The following SPICE1 variants were observed in gnomAD, a reference collection of about 807,000 sequenced individuals.
The protein encoded by SPICE1 is spindle and centriole-associated protein 1.
A neutral mutation model predicts 102.7 loss-of-function variants in SPICE1; 75 were observed. That is an observed-to-expected ratio of 0.73 (90% CI 0.61 to 0.88). The LOEUF is 0.88. SPICE1 is among the 40% of genes least tolerant of loss of function. The probability of loss-of-function intolerance (pLI) is 0.00; values close to 1 mark genes in which losing one functional copy is unlikely to be tolerated. For synonymous variants in SPICE1, 308 were observed against 350.3 expected (o/e 0.88, Z 1.35); for missense variants, 979 against 1,020.1 (o/e 0.96, Z 0.55).
chr3:113,468,943 T>C (rs1936129016), intron 8 of SPICE1, 44 bp from the exon 9 acceptor site: 1 of 1,583,948 alleles, frequency 6.3e-7, no homozygotes, highest in Non-Finnish European at 8.6e-7. Context: ...GTGAACAAAC[T>C]TCTTAAGAAA....
intron 3 of SPICE1, among the ~76,000 whole-genome samples, chr3:113,501,219 A>C (rs1169524963): frequency 6.6e-6 from 1 of 152,170 alleles, no homozygotes. Context: ...GCAAAAAATA[A>C]AGTTGGGCCC....
At position 113,468,204 on chromosome 3, in the gene SPICE1, C is replaced by T. The variant is rs749999087; in HGVS notation, c.1090G>A (p.Gly364Ser). 1 of 1,614,124 alleles carries T rather than the reference C, an allele frequency of 6.2e-7. No homozygotes were observed. The highest frequency in any genetic ancestry group is 1.1e-5 in the South Asian group (1 of 91,082). ...AGCGACAAAGTGAAGCCTGTAAGAC[C>T]CTGACTGCTCTGCAGACCCTTGACC... ...REVKGLQSSQ[G>S]LTGFTLSLVS... The change falls in exon 10 of 18, where the codon GGT becomes AGT. Residue 364 changes from glycine (G) to serine (S), a missense_variant. By Grantham distance (56) the Gly-to-Ser change is moderately conservative. Coordinates refer to ENST00000295872, the MANE Select transcript of SPICE1 (RefSeq NM_144718.4).
chr3:113,446,840 G>A (rs1198546198), intron 16 of SPICE1, among the ~76,000 whole-genome samples, 164 bp from the exon 17 acceptor site: 1 of 152,180 alleles, frequency 6.6e-6, no homozygotes, highest in African/African-American at 2.4e-5. Context: ...TCACCAACCT[G>A]TAAGTCTTTA....
intron 11 of SPICE1, among the ~76,000 whole-genome samples, chr3:113,462,554 A>G (rs1184928555): frequency 6.6e-6 from 1 of 152,242 alleles, no homozygotes; most frequent in Non-Finnish European, 1.5e-5. Context: ...TGTGTCCCAC[A>G]TGATTCCAAG....
intron 7 of SPICE1, among the ~76,000 whole-genome samples, chr3:113,487,600 A>G (rs61608046): frequency 0.032 from 4,797 of 152,252 alleles, 250 homozygotes; most frequent in African/African-American, 0.11. Context: ...AGAAAGTATA[A>G]TAAGAGCTAT....
rs138802010 is a variant in SPICE1 at position 113,452,024 on chromosome 3, C to T, written c.2142+1442G>A. Among the ~76,000 whole-genome samples, 1,353 of 152,230 alleles carry T rather than the reference C, an allele frequency of 8.9e-3. 25 individuals are homozygous for T. Among genetic ancestry groups the T allele is most frequent in the African/African-American group, 0.031 (1,299 of 41,536 alleles). ...CCTCCTATCAGAAACTTGACAGGAG[C>T]GGCCTTGGCTCTAGAAGGGGTAAAA... On this transcript the variant is annotated intron_variant, in intron 14 of 17. Coordinates refer to ENST00000295872, the MANE Select transcript of SPICE1 (RefSeq NM_144718.4).
chr3:113,479,653 T>G (rs952190519), intron 7 of SPICE1, among the ~76,000 whole-genome samples: 5 of 152,196 alleles, frequency 3.3e-5, no homozygotes, highest in Admixed American at 6.5e-5. Context: ...TCCTGACTTT[T>G]TAGACAATTC....
intron 1 of SPICE1, among the ~76,000 whole-genome samples, chr3:113,507,927 G>A (rs1028723941): frequency 1.3e-5 from 2 of 152,112 alleles, no homozygotes; most frequent in African/African-American, 2.4e-5. Context: ...AGAGCCATAA[G>A]TACCATTTAA....
rs547413294 is a variant in SPICE1 at position 113,515,030 on chromosome 3, G to A, written c.-134C>T. On this transcript the variant is annotated 5_prime_UTR_variant, in exon 1 of 18. Transcript: ENST00000295872. ...CCTTTTGGTAGCCCTGGTCCCTAAG[G>A]CTCGTTGGGACTGCGAGCTGCAAGC... 2.5e-4 allele frequency: 70 copies of A among 279,686 alleles called. No homozygotes were observed. Among genetic ancestry groups the A allele is most frequent in the South Asian group, 2.4e-3 (68 of 28,478 alleles). The allele number at this position is 279,686 out of a possible 1,614,324, so 17.3% of individuals were successfully genotyped here.
chr3:113,450,508 T>C lies in SPICE1; in HGVS notation c.2151A>G (p.Pro717=), dbSNP rs780267900. ...TACCTGGTGTTAGAGACTGTGCTACTGGAAAAGTCTTTGGGAGAAAAAAAA... is the reference window on the plus strand; with the variant it reads ...TACCTGGTGTTAGAGACTGTGCTACCGGAAAAGTCTTTGGGAGAAAAAAAA... The part of the protein sequence containing the change: ...ESASDMTSTF[P]VAQSLTPGSM... Residue 717 remains proline, a synonymous_variant, in exon 15 of 18, where the codon CCA becomes CCG. Coordinates refer to ENST00000295872, the MANE Select transcript of SPICE1 (RefSeq NM_144718.4). 1 of 1,585,376 alleles carries C rather than the reference T, an allele frequency of 6.3e-7. No individual in the cohort carries two copies. The highest frequency in any genetic ancestry group is 2.3e-5 in the East Asian group (1 of 44,394).
intron 11 of SPICE1, among the ~76,000 whole-genome samples, chr3:113,464,835 A>G (rs984001293): frequency 5.3e-5 from 8 of 152,232 alleles, no homozygotes; most frequent in South Asian, 2.1e-4. Context: ...AGCAAGGTGC[A>G]GTGGCTCATG....
intron 3 of SPICE1, among the ~76,000 whole-genome samples, chr3:113,502,768 G>A (rs1198025797): frequency 6.6e-6 from 1 of 151,628 alleles, no homozygotes; most frequent in Non-Finnish European, 1.5e-5. Context: ...AGAGAAGAAG[G>A]TACAGAAACT....
At chr3:113,478,824 G>A (rs1337431456) in intron 7 of SPICE1, among the ~76,000 whole-genome samples, 2 of 151,864 alleles carry the variant, frequency 1.3e-5, no homozygotes, top group Non-Finnish European at 2.9e-5. Context: ...TGGAACATTT[G>A]TAAAAATTTG....
chr3:113,493,141 A>G, intron 6 of SPICE1, 65 bp downstream of exon 6: 1 of 1,125,778 alleles, frequency 8.9e-7, no homozygotes, highest in Non-Finnish European at 1.3e-6. Flanking sequence ...TATTTACCAC[A>G]AGGCCTATAT....
At chr3:113,486,870 T>C (rs959873170) in intron 7 of SPICE1, among the ~76,000 whole-genome samples, 4 of 149,682 alleles carry the variant, frequency 2.7e-5, no homozygotes, top group African/African-American at 9.7e-5. Context: ...GAGATATATA[T>C]ATATATATAT....
chr3:113,491,541 C>G (rs1051001951), intron 6 of SPICE1, among the ~76,000 whole-genome samples: 1 of 143,834 alleles, frequency 7.0e-6, no homozygotes, highest in South Asian at 2.2e-4. Flanking sequence ...AGCAGAATGG[C>G]GTGAATCCGG....
At position 113,453,734 on chromosome 3, in the gene SPICE1, G is replaced by A. The variant is rs772102130; in HGVS notation, c.1874C>T (p.Ser625Leu). Residue 625 changes from serine (S) to leucine (L), a missense_variant, in exon 14 of 18, where the codon TCA becomes TTA. Transcript: ENST00000295872. Reference protein sequence around the residue: ...NKTQAPFVNLSQPLCNSHSNT... With the variant: ...NKTQAPFVNLLQPLCNSHSNT... ...GGAATGGGAATTGCAGAGGGGCTGT[G>A]AGAGGTTAACAAAAGGAGCCTGAGT... 3 of 1,614,144 alleles carry A rather than the reference G, an allele frequency of 1.9e-6. No individual in the cohort carries two copies. The East Asian group carries it at 6.7e-5, about 36-fold the overall frequency.
chr3:113,465,748 G>A lies in SPICE1; in HGVS notation c.1192C>T (p.Gln398Ter). The change falls in exon 11 of 18, where the codon CAA (glutamine) becomes TAA (stop). Residue 398 changes from glutamine (Q) to a stop codon, truncating the protein, a stop_gained. Transcript: ENST00000295872. LOFTEE classifies it high-confidence loss of function. ...IQLRKEVETR[Q>*]QLEQVLGDHR... is the part of the protein sequence containing the mutation. The stretch of plus-strand genomic sequence containing the variant: ...TCACCTAATACTTGTTCCAGTTGTT[G>A]CCTTGTCTCTACTTCTTTACGTAGC... 1.2e-6 allele frequency: 2 copies of A among 1,613,756 alleles called. No homozygotes were observed. Among genetic ancestry groups the A allele is most frequent in the Non-Finnish European group, 1.7e-6 (2 of 1,179,866 alleles).
At chr3:113,485,549 A>G (rs2107486860) in intron 7 of SPICE1, among the ~76,000 whole-genome samples, 1 of 152,212 alleles carries the variant, frequency 6.6e-6, no homozygotes, top group East Asian at 1.9e-4. Flanking sequence ...TGGGCAGAAC[A>G]TGTCTGGAAA....
Sources: allele counts gnomAD v4.1 joint callset (sites outside exome capture counted in the v4.1 genomes callset), GRCh38; gene constraint gnomAD v4.1.1; transcripts MANE v1.5; gene names NCBI Gene and HGNC (gene_info 2026-07-23, HGNC 2026-07-21).